Variants in BPIFC observed in about 807,000 individuals in gnomAD.
BPIFC encodes BPI fold containing family C.
In BPIFC, 60 loss-of-function variants were observed where a neutral mutation model predicts 57.6. The ratio of observed to expected loss-of-function variants is 1.04; its 90% CI spans 0.85 to 1.29. The LOEUF is 1.29. BPIFC is among the 50% of genes most tolerant of loss of function. BPIFC has a pLI of 0.00. For synonymous variants in BPIFC, 243 were observed against 224.5 expected (o/e 1.08, Z -0.74); for missense variants, 581 against 600.5 (o/e 0.97, Z 0.34).
chr22:32,450,035 T>C (rs185418034), intron 4 of BPIFC, among the ~76,000 whole-genome samples: 2 of 151,718 alleles, frequency 1.3e-5, no homozygotes, highest in East Asian at 3.9e-4. Flanking sequence ...CGCCCAGCCG[T>C]GTACATGTAC....
chr22:32,448,445 C>T (rs1961652723), intron 4 of BPIFC, among the ~76,000 whole-genome samples: 1 of 152,110 alleles, frequency 6.6e-6, no homozygotes, highest in Admixed American at 6.5e-5. Context: ...CAGTAGTGTC[C>T]CTCCCCACCT....
intron 4 of BPIFC, among the ~76,000 whole-genome samples, chr22:32,447,722 CA>C (rs1206721184): frequency 6.6e-6 from 1 of 151,260 alleles, no homozygotes; most frequent in Non-Finnish European, 1.5e-5. Flanking sequence ...CCTCCTGCCT[CA>C]GCTTTCCAAA....
At chr22:32,462,189 A>AG (rs1568964095) in intron 1 of BPIFC, among the ~76,000 whole-genome samples, 3 of 143,848 alleles carry the variant, frequency 2.1e-5, no homozygotes, top group African/African-American at 8.2e-5. Context: ...AAAAAAAAAA[A>AG]AGAAAAAAGA....
At chr22:32,431,440 T>TC in intron 12 of BPIFC, 26 bp from the exon 13 acceptor site, 1 of 1,231,432 alleles carries the variant, frequency 8.1e-7, no homozygotes, top group Non-Finnish European at 1.2e-6. Context: ...GCATTTATTA[T>TC]TAAGACGAGT....
At chr22:32,453,054 C>T (rs895042506) in intron 4 of BPIFC, among the ~76,000 whole-genome samples, 4 of 152,174 alleles carry the variant, frequency 2.6e-5, no homozygotes, top group African/African-American at 9.7e-5. Flanking sequence ...TAATTAAGTT[C>T]TGTCCATTGT....
intron 16 of BPIFC, 91 bp from the exon 17 acceptor site, chr22:32,414,516 A>T: frequency 6.9e-7 from 1 of 1,448,534 alleles, no homozygotes. Flanking sequence ...TCTTTTTTTT[A>T]TTATTTTAAT....
chr22:32,417,415 C>T (rs2145908153), intron 14 of BPIFC, among the ~76,000 whole-genome samples: 2 of 152,160 alleles, frequency 1.3e-5, no homozygotes, highest in South Asian at 4.2e-4. Context: ...TCAAGCAAAC[C>T]TCCAATCTTG....
rs771394597 is a variant in BPIFC, at chr22:32,415,913, A to T, written c.1401+2T>A. On this transcript the variant is annotated splice_donor_variant, in intron 16 of 16. Coordinates refer to ENST00000300399, the MANE Select transcript of BPIFC (RefSeq NM_174932.3). LOFTEE classifies it high-confidence loss of function. The stretch of plus-strand genomic sequence containing the variant: ...GTTAAGAGGTGAGATTTGCATTCTT[A>T]CCTCAAGAACTTCAATATCTGAATT... 1.3e-6 allele frequency: 2 copies of T among 1,570,588 alleles called. No individual in the cohort carries two copies. The highest frequency in any genetic ancestry group is 3.7e-5 in the Admixed American group (2 of 54,136).
intron 15 of BPIFC, among the ~76,000 whole-genome samples, 180 bp downstream of exon 15, chr22:32,416,905 G>A (rs907480890): frequency 5.3e-5 from 8 of 152,154 alleles, no homozygotes; most frequent in Admixed American, 3.9e-4. Flanking sequence ...ATAACTAAAT[G>A]TGCCACCACA....
At chr22:32,432,308 C>T (rs1934268869) in intron 12 of BPIFC, 65 bp downstream of exon 12, 3 of 1,555,086 alleles carry the variant, frequency 1.9e-6, no homozygotes, top group South Asian at 2.3e-5. Flanking sequence ...AAGCTGCTGG[C>T]CAACAGTCCA....
intron 12 of BPIFC, among the ~76,000 whole-genome samples, 194 bp from the exon 13 acceptor site, chr22:32,431,608 T>G (rs1400706672): frequency 2.6e-5 from 4 of 152,102 alleles, no homozygotes; most frequent in African/African-American, 9.7e-5. Context: ...CTGCAAAGAC[T>G]TTTTGTTTGA....
chr22:32,443,600 G>T (rs1934631381), intron 7 of BPIFC, among the ~76,000 whole-genome samples: 1 of 152,196 alleles, frequency 6.6e-6, no homozygotes, highest in Non-Finnish European at 1.5e-5. Context: ...TTTTTAGGAA[G>T]GGGCAGAGGT....
chr22:32,418,960 G>A (rs963701774), intron 14 of BPIFC, among the ~76,000 whole-genome samples: 1 of 152,080 alleles, frequency 6.6e-6, no homozygotes, highest in Non-Finnish European at 1.5e-5. Flanking sequence ...TGGGCAGAAA[G>A]TGTTCAAAGA....
intron 10 of BPIFC, among the ~76,000 whole-genome samples, chr22:32,435,319 T>A (rs1311651502): frequency 6.6e-6 from 1 of 152,196 alleles, no homozygotes; most frequent in African/African-American, 2.4e-5. Context: ...ACATTCCTAA[T>A]CTGAATATCC....
chr22:32,458,359 A>G (rs960418225), intron 2 of BPIFC, among the ~76,000 whole-genome samples: 1 of 152,210 alleles, frequency 6.6e-6, no homozygotes, highest in African/African-American at 2.4e-5. Context: ...GCACTTCTTC[A>G]GATAACTCAA....
intron 13 of BPIFC, among the ~76,000 whole-genome samples, chr22:32,426,846 C>T (rs1041545343): frequency 2.0e-5 from 3 of 150,470 alleles, no homozygotes; most frequent in Admixed American, 6.6e-5. Context: ...GAACCAAGAT[C>T]GTGCCACTGC....
intron 13 of BPIFC, among the ~76,000 whole-genome samples, chr22:32,426,177 C>A (rs1238159002): frequency 6.6e-6 from 1 of 152,200 alleles, no homozygotes; most frequent in African/African-American, 2.4e-5. Flanking sequence ...CCATGTTGTT[C>A]TGGGGAGAGT....
intron 14 of BPIFC, 122 bp from the exon 15 acceptor site, chr22:32,417,270 G>A (rs1933709457): frequency 2.9e-6 from 2 of 697,550 alleles, no homozygotes; most frequent in African/African-American, 3.6e-5. Context: ...CGAACTCCTG[G>A]GCTCAAGCAA....
chr22:32,419,196 G>A, intron 14 of BPIFC, among the ~76,000 whole-genome samples, 166 bp downstream of exon 14: 1 of 152,148 alleles, frequency 6.6e-6, no homozygotes. Context: ...AATGGTTAAT[G>A]GGCTCAATTG....
Sources: gnomAD v4.1 joint callset for allele counts (sites outside exome capture counted in the v4.1 genomes callset) on GRCh38, gnomAD v4.1.1 for gene constraint, MANE v1.5 for transcripts, NCBI Gene and HGNC (gene_info 2026-07-23, HGNC 2026-07-21) for gene names.